The following ADAM10 variants were observed in gnomAD, a reference collection of about 807,000 sequenced individuals.
ADAM10 encodes disintegrin and metalloproteinase domain-containing protein 10.
ADAM10 carries 17 observed loss-of-function variants against 90.1 expected under a neutral mutation model. The observed-to-expected ratio is 0.19, with a 90% CI of 0.13 to 0.28. The LOEUF (loss-of-function observed/expected upper bound fraction) is 0.28. Ranked by LOEUF, ADAM10 falls within the 10% of genes least tolerant of loss-of-function variation. The pLI is 1.00. For missense variants in ADAM10, 610 were observed against 914.3 expected (o/e 0.67, Z 4.29); for synonymous variants, 310 against 298.6 (o/e 1.04, Z -0.40).
chr15:58,730,019 T>C (rs905980195), intron 1 of ADAM10, among the ~76,000 whole-genome samples: 1 of 147,618 alleles, frequency 6.8e-6, no homozygotes, highest in Non-Finnish European at 1.5e-5. Flanking sequence ...AAAAAACTCA[T>C]TGAAGCACTT....
Position 58,696,479 on chromosome 15 carries a change from T to C in ADAM10, c.207-14165A>G, listed in dbSNP as rs185328135. On this transcript the variant is annotated intron_variant, in intron 2 of 15. Transcript: ENST00000260408. ...TTTTCTTTCTTTCTTTTTTTTTTTT[T>C]CCCAAGATGAGTCTCACTCTCTCTC... Among the ~76,000 whole-genome samples the C allele has an allele frequency of 9.4e-4, 142 of 150,308 alleles. 5 individuals carry two copies. The East Asian group carries it at 0.022, about 24-fold the overall frequency.
In ADAM10 at chr15:58,699,630, C is replaced by G. The variant is rs141484751; in HGVS notation, c.207-17316G>C. ...TCTACAAAAAATTTTAAAAATTAGC[C>G]AAGCATGGTGGCGTACACCTTTAGT... On this transcript the variant is annotated intron_variant, in intron 2 of 15. Coordinates refer to ENST00000260408, the MANE Select transcript of ADAM10 (RefSeq NM_001110.4). Among the ~76,000 whole-genome samples the G allele has an allele frequency of 3.3e-5, 5 of 151,960 alleles. No homozygotes were observed. The East Asian group carries it at 9.7e-4, about 29-fold the overall frequency.
At chr15:58,694,347 A>G (rs1262430575) in intron 2 of ADAM10, among the ~76,000 whole-genome samples, 2 of 152,152 alleles carry the variant, frequency 1.3e-5, no homozygotes, top group Non-Finnish European at 2.9e-5. Context: ...GTGATTTGGG[A>G]GGCTGAGGCA....
rs1894880946 is a variant in ADAM10 at position 58,593,759 on chromosome 15, C to T, written c.*3788G>A. ...CTCCGTTTTACCTAGCATCCTGTTG[C>T]TTTTTATAGAAGAGATGCTCTGAAG... On this transcript the variant is annotated 3_prime_UTR_variant, in exon 16 of 16. Coordinates refer to ENST00000260408, the MANE Select transcript of ADAM10 (RefSeq NM_001110.4). 6.6e-6 allele frequency: 1 copy of T among 152,076 alleles called. No homozygotes were observed. The highest frequency in any genetic ancestry group is 1.5e-5 in the Non-Finnish European group (1 of 68,006). The allele number at this position is 152,076 out of a possible 1,614,324, so 9.4% of individuals were successfully genotyped here.
intron 2 of ADAM10, among the ~76,000 whole-genome samples, chr15:58,713,037 A>T (rs1216823522): frequency 1.3e-5 from 2 of 152,198 alleles, no homozygotes; most frequent in Non-Finnish European, 2.9e-5. Context: ...AGGATGACAT[A>T]GAGTATAAAA....
At chr15:58,599,993 TAAC>T (rs1240943485) in intron 14 of ADAM10, among the ~76,000 whole-genome samples, 3 of 152,176 alleles carry the variant, frequency 2.0e-5, no homozygotes, top group Non-Finnish European at 4.4e-5. Flanking sequence ...TCTTTACATA[TAAC>T]AACATTTGTC....
At chr15:58,694,051 T>C (rs1309764983) in intron 2 of ADAM10, among the ~76,000 whole-genome samples, 4 of 152,198 alleles carry the variant, frequency 2.6e-5, no homozygotes, top group African/African-American at 9.7e-5. Flanking sequence ...CATCTCCAAA[T>C]ATTAGTAGGG....
chr15:58,634,012 C>A lies in ADAM10; in HGVS notation c.1013-653G>T, dbSNP rs529154382. ...ACAAAAGGTTAATAATTGATTAATCCATCAAGAATTCACCACTGCTGAGCG... is the reference window on the plus strand; with the variant it reads ...ACAAAAGGTTAATAATTGATTAATCAATCAAGAATTCACCACTGCTGAGCG... On this transcript the variant is annotated intron_variant, in intron 8 of 15. Transcript: ENST00000260408. Among the ~76,000 whole-genome samples, 4 of 151,832 alleles carry A rather than the reference C, an allele frequency of 2.6e-5. No homozygotes were observed. The South Asian group carries it at 8.3e-4, about 32-fold the overall frequency.
intron 2 of ADAM10, chr15:58,691,241 T>C (rs1200472167): frequency 3.2e-6 from 3 of 947,834 alleles, no homozygotes; most frequent in Admixed American, 3.5e-5. Flanking sequence ...TCTCCTCCAT[T>C]ATCTTCTTCT....
chr15:58,685,553 T>TAC (rs1474406942), intron 2 of ADAM10, among the ~76,000 whole-genome samples: 2 of 40,298 alleles, frequency 5.0e-5, no homozygotes, highest in African/African-American at 3.4e-4. Flanking sequence ...AGAATATATA[T>TAC]ATATATATAT....
chr15:58,710,161 C>T (rs921168146), intron 2 of ADAM10, among the ~76,000 whole-genome samples: 1 of 152,094 alleles, frequency 6.6e-6, no homozygotes, highest in Non-Finnish European at 1.5e-5. Context: ...CGCCTATAGT[C>T]CCAGCTACTC....
chr15:58,742,272 A>G (rs1899638408), intron 1 of ADAM10, among the ~76,000 whole-genome samples: 1 of 152,180 alleles, frequency 6.6e-6, no homozygotes, highest in East Asian at 1.9e-4. Context: ...CCAACTTACT[A>G]TGATTCGTAT....
intron 11 of ADAM10, among the ~76,000 whole-genome samples, chr15:58,619,720 AGG>A (rs1458447215): frequency 6.6e-6 from 1 of 152,008 alleles, no homozygotes; most frequent in Non-Finnish European, 1.5e-5. Context: ...TTGGCTAACA[AGG>A]TGAAAGCCCA....
chr15:58,645,219 T>G (rs1294867769), intron 6 of ADAM10, among the ~76,000 whole-genome samples: 1 of 152,256 alleles, frequency 6.6e-6, no homozygotes, highest in Non-Finnish European at 1.5e-5. Flanking sequence ...TAACTGCTCA[T>G]AGGGCTCATT....
chr15:58,743,566 CCT>C (rs1460391466), intron 1 of ADAM10, among the ~76,000 whole-genome samples: 2 of 152,082 alleles, frequency 1.3e-5, no homozygotes, highest in African/African-American at 4.8e-5. Flanking sequence ...ACCATAAGCC[CCT>C]GTCATCTACC....
intron 7 of ADAM10, 127 bp from the exon 8 acceptor site, chr15:58,641,087 C>T: frequency 1.1e-6 from 1 of 903,982 alleles, no homozygotes; most frequent in Non-Finnish European, 1.7e-6. Context: ...TGAATTAAGG[C>T]TTCTAAGGTT....
intron 1 of ADAM10, among the ~76,000 whole-genome samples, chr15:58,721,752 G>A (rs1270575023): frequency 6.6e-6 from 1 of 152,176 alleles, no homozygotes. Flanking sequence ...AGGTGGCCGG[G>A]TGTGGTAGTT....
At chr15:58,642,742 C>T (rs150038462) in intron 7 of ADAM10, among the ~76,000 whole-genome samples, 2 of 152,248 alleles carry the variant, frequency 1.3e-5, no homozygotes, top group East Asian at 3.9e-4. Context: ...CATTTTATTG[C>T]TCTGCCTACT....
chr15:58,746,140 C>CT (rs756884288), intron 1 of ADAM10, among the ~76,000 whole-genome samples: 7 of 152,196 alleles, frequency 4.6e-5, no homozygotes, highest in Non-Finnish European at 1.0e-4. Flanking sequence ...CAATTCACCA[C>CT]TAAGTGGTGG....
Sources: gnomAD v4.1 joint callset for allele counts (sites outside exome capture counted in the v4.1 genomes callset) on GRCh38, gnomAD v4.1.1 for gene constraint, MANE v1.5 for transcripts, NCBI Gene and HGNC (gene_info 2026-07-23, HGNC 2026-07-21) for gene names.